MEF2C: variants seen among roughly 807,000 people sequenced by gnomAD.
MEF2C encodes myocyte-specific enhancer factor 2C.
Under a neutral mutation model 50.5 loss-of-function variants are expected in MEF2C, and 6 were observed. The ratio of observed to expected loss-of-function variants is 0.12; its 90% CI spans 0.07 to 0.23. The LOEUF is 0.23. Ranked by LOEUF, MEF2C falls within the 10% of genes least tolerant of loss-of-function variation. The pLI is 1.00. For synonymous variants in MEF2C, 183 were observed against 228.0 expected (o/e 0.80, Z 1.78); for missense variants, 276 against 605.0 (o/e 0.46, Z 5.70).
At chr5:88,854,751 A>G (rs146480078) in intron 1 of MEF2C, among the ~76,000 whole-genome samples, 134 of 152,350 alleles carry the variant, frequency 8.8e-4, no homozygotes, top group African/African-American at 3.0e-3. Flanking sequence ...AGAATAATGT[A>G]CATTTGTACA....
chr5:88,873,007 TTCTC>T (rs976302546), intron 1 of MEF2C, among the ~76,000 whole-genome samples: 9 of 151,802 alleles, frequency 5.9e-5, no homozygotes, highest in Admixed American at 1.3e-4. Context: ...TTCATGCTTT[TTCTC>T]TCTCTCTGCT....
intron 1 of MEF2C, among the ~76,000 whole-genome samples, chr5:88,840,371 C>T (rs1472163688): frequency 5.9e-5 from 9 of 152,128 alleles, no homozygotes; most frequent in Non-Finnish European, 1.2e-4. Flanking sequence ...TCTTTCCTTA[C>T]GCTGGTTTTT....
upstream of MEF2C, among the ~76,000 whole-genome samples, chr5:88,886,949 C>T (rs554970180): frequency 1.3e-5 from 2 of 152,340 alleles, no homozygotes; most frequent in East Asian, 3.9e-4. Context: ...GCCCTGTGCA[C>T]TGGGTCTGCC....
rs749145830 is a variant in MEF2C at position 88,722,776 on chromosome 5, C to T, written c.1250G>A (p.Gly417Glu). The T allele has an allele frequency of 6.2e-7, 1 of 1,614,010 alleles. No homozygotes were observed. Among genetic ancestry groups the T allele is most frequent in the Non-Finnish European group, 8.5e-7 (1 of 1,179,902 alleles). The change falls in exon 11 of 11, where the codon GGG becomes GAG. Residue 417 changes from glycine to glutamate, a missense_variant. Physicochemically the swap from Gly to Glu is moderately conservative, Grantham distance 98 (BLOSUM62 -2). Transcript: ENST00000504921. ...GCTCAAGCTGTCAACAGGAGATCTCCCCGCCTCGTGGCGCGTGTGTTGTGG... is the reference window on the plus strand; with the variant it reads ...GCTCAAGCTGTCAACAGGAGATCTCTCCGCCTCGTGGCGCGTGTGTTGTGG... Reference protein sequence around the residue: ...RYPQHTRHEAGRSPVDSLSSC... With the variant: ...RYPQHTRHEAERSPVDSLSSC...
chr5:88,841,900 T>G (rs979291261), intron 1 of MEF2C, among the ~76,000 whole-genome samples: 1 of 152,240 alleles, frequency 6.6e-6, no homozygotes, highest in Non-Finnish European at 1.5e-5. Context: ...CTTTTGTTGT[T>G]GCTTTTGGTT....
rs978491338 is a variant in MEF2C at position 88,823,831 on chromosome 5, T to A, written c.-43A>T. 3 of 1,603,168 alleles carry A rather than the reference T, an allele frequency of 1.9e-6. No homozygotes were observed. The highest frequency in any genetic ancestry group is 3.4e-5 in the Admixed American group (2 of 59,248). On this transcript the variant is annotated 5_prime_UTR_variant, in exon 2 of 11. Coordinates refer to ENST00000504921, the MANE Select transcript of MEF2C (RefSeq NM_002397.5). ...TCTCTCTCGTCCCTGAAATTATGTA[T>A]TTTTTCCTTCCTTTTCTTTCTCTTT...
chr5:88,834,548 G>T (rs1178034356), intron 1 of MEF2C, among the ~76,000 whole-genome samples: 1 of 152,072 alleles, frequency 6.6e-6, no homozygotes, highest in African/African-American at 2.4e-5. Context: ...CCAATATGAT[G>T]ATTTTAAATA....
chr5:88,832,736 T>C (rs1404602063), intron 1 of MEF2C, among the ~76,000 whole-genome samples: 1 of 152,164 alleles, frequency 6.6e-6, no homozygotes, highest in Non-Finnish European at 1.5e-5. Context: ...GTTAAATTAA[T>C]CCCACTATGA....
chr5:88,883,762 G>A (rs1489459463), upstream of MEF2C: 1 of 152,052 alleles, frequency 6.6e-6, no homozygotes, highest in African/African-American at 2.4e-5. Flanking sequence ...TTGCAAAAGG[G>A]GGGCGGGACT....
chr5:88,845,014 T>C (rs1818793353), intron 1 of MEF2C, among the ~76,000 whole-genome samples: 1 of 152,232 alleles, frequency 6.6e-6, no homozygotes, highest in Non-Finnish European at 1.5e-5. Flanking sequence ...ATGAAAATAG[T>C]TCACCTTGTG....
chr5:88,740,680 A>C, intron 6 of MEF2C: 23 of 969,156 alleles, frequency 2.4e-5, no homozygotes, highest in Non-Finnish European at 2.8e-5. Context: ...TCCAGTACAA[A>C]AAAAAAAAAA....
intron 6 of MEF2C, chr5:88,733,412 A>T (rs1269713063): frequency 4.1e-6 from 4 of 985,206 alleles, no homozygotes; most frequent in Non-Finnish European, 4.8e-6. Flanking sequence ...GGTGGAAATG[A>T]AAGTTTCAGA....
intron 3 of MEF2C, among the ~76,000 whole-genome samples, chr5:88,763,662 T>A (rs1009737098): frequency 4.6e-5 from 7 of 152,070 alleles, no homozygotes; most frequent in Middle Eastern, 3.4e-3. Context: ...CTTTCTTTTT[T>A]TTTTTTTTGA....
intron 10 of MEF2C, among the ~76,000 whole-genome samples, chr5:88,726,061 T>C (rs947724843): frequency 3.3e-5 from 5 of 152,152 alleles, no homozygotes; most frequent in African/African-American, 4.8e-5. Flanking sequence ...AATCAGATAC[T>C]AGGTTTTAAA....
chr5:88,728,197 A>C (rs1455673699), intron 10 of MEF2C, among the ~76,000 whole-genome samples: 1 of 152,002 alleles, frequency 6.6e-6, no homozygotes, highest in Non-Finnish European at 1.5e-5. Flanking sequence ...TTATGTCCCA[A>C]ATGAACTGTG....
At chr5:88,794,214 C>T (rs543729493) in intron 3 of MEF2C, among the ~76,000 whole-genome samples, 141 of 152,252 alleles carry the variant, frequency 9.3e-4, no homozygotes, top group African/African-American at 3.2e-3. Flanking sequence ...CCTGAGGAAT[C>T]GCCACACTGT....
rs150087807 is a variant in MEF2C at position 88,790,008 on chromosome 5, C to T, written c.258+14590G>A. Reference sequence around the variant, plus strand: ...CAAGGCACATGCCCCTAACCAATCACATCACACTTCCTGAATGTCTGGACT... The same window carrying T: ...CAAGGCACATGCCCCTAACCAATCATATCACACTTCCTGAATGTCTGGACT... On this transcript the variant is annotated intron_variant, in intron 3 of 10. Transcript: ENST00000504921. Among the ~76,000 whole-genome samples the T allele has an allele frequency of 3.0e-4, 46 of 152,330 alleles. No homozygotes were observed. The East Asian group carries it at 7.9e-3, about 26-fold the overall frequency.
chr5:88,824,631 A>G (rs558694934), intron 1 of MEF2C, among the ~76,000 whole-genome samples: 2 of 152,080 alleles, frequency 1.3e-5, no homozygotes, highest in Admixed American at 1.3e-4. Flanking sequence ...ATAAGCATTG[A>G]CACAAAATAA....
At chr5:88,895,772 G>A (rs1183351405) in intron 1 of MEF2C, among the ~76,000 whole-genome samples, 1 of 151,914 alleles carries the variant, frequency 6.6e-6, no homozygotes, top group East Asian at 1.9e-4. Flanking sequence ...TTCCACTGAT[G>A]CGACCTACAA....
Sources: gnomAD v4.1 joint callset for allele counts (sites outside exome capture counted in the v4.1 genomes callset) on GRCh38, gnomAD v4.1.1 for gene constraint, MANE v1.5 for transcripts, NCBI Gene and HGNC (gene_info 2026-07-23, HGNC 2026-07-21) for gene names.